SLC4A4: variants seen among roughly 807,000 people sequenced by gnomAD.
SLC4A4 encodes the protein solute carrier family 4 member 4.
Under a neutral mutation model 111.5 loss-of-function variants are expected in SLC4A4, and 27 were observed. That is an observed-to-expected ratio of 0.24 (90% CI 0.18 to 0.33). The LOEUF (loss-of-function observed/expected upper bound fraction) is 0.33, where lower values mean the gene tolerates loss of function less well. Among genes scored for constraint, SLC4A4 ranks in the 10% least tolerant of loss-of-function variants. The pLI, the probability that SLC4A4 is intolerant of heterozygous loss-of-function variation, is 1.00. For missense variants in SLC4A4, 909 were observed against 1,315.5 expected (o/e 0.69, Z 4.78); for synonymous variants, 443 against 463.4 (o/e 0.96, Z 0.57).
At chr4:71,552,400 C>T (rs559269321) in intron 20 of SLC4A4, among the ~76,000 whole-genome samples, 9 of 151,484 alleles carry the variant, frequency 5.9e-5, no homozygotes, top group Non-Finnish European at 1.2e-4. Context: ...CATACAGTGA[C>T]GATTATTCTG....
Position 71,132,730 on chromosome 4 carries a change from C to T in SLC4A4, c.-2+39938C>T, listed in dbSNP as rs572684095. On this transcript the variant is annotated intron_variant, in intron 2 of 26. Coordinates refer to the SLC4A4 transcript ENST00000649996. ...CATCATGTTTTGCCCAACAGCTTTA[C>T]CAGCTGTGTGCCTAGTTGGAATTTT... is the stretch of plus-strand genomic sequence containing the variant. 2.6e-5 allele frequency among the ~76,000 whole-genome samples: 4 copies of T among 152,338 alleles called. No individual in the cohort carries two copies. In the East Asian group the frequency reaches 7.7e-4, roughly 29 times the overall value.
intron 1 of SLC4A4, among the ~76,000 whole-genome samples, chr4:71,226,539 A>G (rs1168884164): frequency 6.6e-6 from 1 of 152,208 alleles, no homozygotes. Context: ...ATGTTAGTCT[A>G]TAAAGAGAAA....
intron 1 of SLC4A4, among the ~76,000 whole-genome samples, chr4:71,084,237 A>G (rs933702430): frequency 2.0e-5 from 3 of 151,988 alleles, no homozygotes; most frequent in Non-Finnish European, 4.4e-5. Flanking sequence ...GGATGTAAAG[A>G]TCGCCTTGAA....
At chr4:71,353,684 T>C (rs1445342926) in intron 5 of SLC4A4, among the ~76,000 whole-genome samples, 1 of 152,242 alleles carries the variant, frequency 6.6e-6, no homozygotes, top group Non-Finnish European at 1.5e-5. Flanking sequence ...TTGAGAATTA[T>C]GCACAGCTAA....
chr4:71,423,646 T>C (rs1348724907), intron 7 of SLC4A4, among the ~76,000 whole-genome samples: 1 of 152,142 alleles, frequency 6.6e-6, no homozygotes, highest in Non-Finnish European at 1.5e-5. Flanking sequence ...AACAGAGATC[T>C]AGATCAATGG....
intron 1 of SLC4A4, among the ~76,000 whole-genome samples, chr4:71,226,612 A>C (rs1293464319): frequency 2.0e-5 from 3 of 152,208 alleles, no homozygotes; most frequent in Non-Finnish European, 4.4e-5. Context: ...AATACTCTTC[A>C]GGGAGTATAG....
rs140697453 is a variant in SLC4A4, at chr4:71,198,084, G to A, written c.-2+10683G>A. Reference sequence around the variant, plus strand: ...ATAGAATGCAAATAAAAGTGAATGAGAGTAGAACTTCTTTATGGTACAGGT... The same window carrying A: ...ATAGAATGCAAATAAAAGTGAATGAAAGTAGAACTTCTTTATGGTACAGGT... On this transcript the variant is annotated intron_variant, in intron 1 of 25. Coordinates refer to ENST00000264485, the MANE Select transcript of SLC4A4 (RefSeq NM_001098484.3). 8.1e-3 allele frequency among the ~76,000 whole-genome samples: 1,241 copies of A among 152,302 alleles called. 12 individuals carry two copies. Among genetic ancestry groups the A allele is most frequent in the Middle Eastern group, 0.024 (7 of 294 alleles).
intron 7 of SLC4A4, among the ~76,000 whole-genome samples, chr4:71,410,860 C>T (rs373240498): frequency 2.6e-5 from 4 of 152,150 alleles, no homozygotes; most frequent in African/African-American, 9.7e-5. Flanking sequence ...TTTCCCCTCT[C>T]CTTTCTTGAA....
At chr4:71,364,156 A>AT (rs1560443364) in intron 6 of SLC4A4, among the ~76,000 whole-genome samples, 6 of 152,176 alleles carry the variant, frequency 3.9e-5, no homozygotes, top group Non-Finnish European at 8.8e-5. Flanking sequence ...GTTGTTTGAC[A>AT]TTGAAGGCCT....
intron 2 of SLC4A4, among the ~76,000 whole-genome samples, chr4:71,155,557 G>C (rs190889974): frequency 6.7e-4 from 102 of 152,162 alleles, no homozygotes; most frequent in African/African-American, 2.3e-3. Context: ...TGAACTCCTG[G>C]GTTCAAGCGC....
chr4:71,263,941 T>A (rs1458020996), intron 3 of SLC4A4, among the ~76,000 whole-genome samples: 1 of 152,208 alleles, frequency 6.6e-6, no homozygotes, highest in East Asian at 1.9e-4. Flanking sequence ...AGCCTGCCTT[T>A]GCTTATGATT....
intron 2 of SLC4A4, among the ~76,000 whole-genome samples, chr4:71,136,455 T>G (rs1348951234): frequency 6.6e-6 from 1 of 152,150 alleles, no homozygotes; most frequent in Non-Finnish European, 1.5e-5. Context: ...AGAGTCAGTG[T>G]TAGTGCGGGG....
At chr4:71,117,314 T>C (rs895845806) in intron 2 of SLC4A4, among the ~76,000 whole-genome samples, 2 of 152,116 alleles carry the variant, frequency 1.3e-5, no homozygotes, top group African/African-American at 4.8e-5. Context: ...AGTCCTGTAA[T>C]GAAAGGAGTT....
intron 14 of SLC4A4, among the ~76,000 whole-genome samples, chr4:71,476,056 A>C (rs1728342369): frequency 6.6e-6 from 1 of 151,816 alleles, no homozygotes; most frequent in Admixed American, 6.6e-5. Flanking sequence ...AGAATTTTTT[A>C]AGTCTATGGA....
intron 6 of SLC4A4, among the ~76,000 whole-genome samples, chr4:71,359,645 T>C (rs1370468913): frequency 6.6e-6 from 1 of 152,178 alleles, no homozygotes; most frequent in Non-Finnish European, 1.5e-5. Flanking sequence ...AAACAAACGT[T>C]CTTAGAATAA....
At chr4:71,315,682 A>G (rs960774799) in intron 3 of SLC4A4, among the ~76,000 whole-genome samples, 1 of 152,122 alleles carries the variant, frequency 6.6e-6, no homozygotes, top group African/African-American at 2.4e-5. Flanking sequence ...ATTAATTTTA[A>G]ATATGAAATG....
chr4:71,457,454 T>G (rs925723235), intron 12 of SLC4A4, among the ~76,000 whole-genome samples: 5 of 152,106 alleles, frequency 3.3e-5, no homozygotes, highest in Non-Finnish European at 7.4e-5. Context: ...AGCTACGGCT[T>G]CTTTGAGTAA....
chr4:71,213,502 C>T (rs1447133808), intron 1 of SLC4A4, among the ~76,000 whole-genome samples: 1 of 152,148 alleles, frequency 6.6e-6, no homozygotes, highest in Non-Finnish European at 1.5e-5. Flanking sequence ...GTTTTCATGG[C>T]ATACTAATTG....
chr4:71,115,152 C>G (rs995350282), intron 2 of SLC4A4, among the ~76,000 whole-genome samples: 2 of 142,302 alleles, frequency 1.4e-5, no homozygotes, highest in Non-Finnish European at 3.0e-5. Flanking sequence ...CACATGGACA[C>G]AGGAAGGGGA....
Sources: gnomAD v4.1 joint callset for allele counts (sites outside exome capture counted in the v4.1 genomes callset) on GRCh38, gnomAD v4.1.1 for gene constraint, MANE v1.5 for transcripts, NCBI Gene and HGNC (gene_info 2026-07-23, HGNC 2026-07-21) for gene names.